Variants in AOPEP observed in about 807,000 individuals in gnomAD.
The protein encoded by AOPEP is aminopeptidase O (putative).
Under a neutral mutation model 98.1 loss-of-function variants are expected in AOPEP, and 77 were observed. That is an observed-to-expected ratio of 0.78 (90% CI 0.65 to 0.95). AOPEP has a LOEUF of 0.95. Ranked by LOEUF, AOPEP falls within the 40% of genes least tolerant of loss-of-function variation. The pLI, the probability that AOPEP is intolerant of heterozygous loss-of-function variation, is 0.00. For missense variants in AOPEP, 1,024 were observed against 1,024.7 expected (o/e 1.00, Z 0.01); for synonymous variants, 346 against 365.3 (o/e 0.95, Z 0.60).
At chr9:94,793,098 G>T (rs960418622) in intron 4 of AOPEP, among the ~76,000 whole-genome samples, 180 bp downstream of exon 4, 1 of 152,214 alleles carries the variant, frequency 6.6e-6, no homozygotes, top group Admixed American at 6.5e-5. Context: ...AGGCGCAGTG[G>T]CTCACGCCTG....
At chr9:95,131,978 ATAAAG>A in the AOPEP span, among the ~76,000 whole-genome samples, 41 of 152,366 alleles carry the variant, frequency 2.7e-4, no homozygotes, top group South Asian at 7.9e-3. Context: ...TTCTTATTAG[ATAAAG>A]TAATCTTTTG....
intron 13 of AOPEP, among the ~76,000 whole-genome samples, chr9:95,056,842 C>T (rs563402160): frequency 6.6e-6 from 1 of 152,140 alleles, no homozygotes; most frequent in Non-Finnish European, 1.5e-5. Flanking sequence ...CTTGACTGAC[C>T]TCGTTTAGCA....
chr9:94,933,031 G>C, intron 7 of AOPEP: 1 of 985,410 alleles, frequency 1.0e-6, no homozygotes, highest in African/African-American at 1.7e-5. Flanking sequence ...CCACAGATAA[G>C]ACCCCAAGGA....
At chr9:95,023,915 A>G (rs568298402) in intron 13 of AOPEP, among the ~76,000 whole-genome samples, 8 of 152,212 alleles carry the variant, frequency 5.3e-5, no homozygotes, top group East Asian at 3.8e-4. Context: ...TCAAGGATCA[A>G]TATTTTTGAA....
chr9:94,811,535 C>T (rs1487358062), intron 5 of AOPEP, among the ~76,000 whole-genome samples: 1 of 152,202 alleles, frequency 6.6e-6, no homozygotes, highest in East Asian at 1.9e-4. Context: ...ACCACAGCTG[C>T]CCCCCACCAC....
At chr9:95,091,057 G>T (rs1465578678), downstream of AOPEP, among the ~76,000 whole-genome samples, 1 of 152,168 alleles carries the variant, frequency 6.6e-6, no homozygotes, top group Non-Finnish European at 1.5e-5. Flanking sequence ...GGAGGCCGAG[G>T]GGAGGGACCT....
At chr9:94,826,101 T>C (rs1588418983) in intron 5 of AOPEP, among the ~76,000 whole-genome samples, 2 of 152,136 alleles carry the variant, frequency 1.3e-5, no homozygotes, top group Non-Finnish European at 2.9e-5. Flanking sequence ...TCAAAGCTAT[T>C]TTAAAAGGGT....
At chr9:95,070,276 G>A (rs897843517) in intron 14 of AOPEP, among the ~76,000 whole-genome samples, 3 of 152,218 alleles carry the variant, frequency 2.0e-5, no homozygotes, top group Non-Finnish European at 1.5e-5. Context: ...AATTGACAAA[G>A]CAGGTTTGTT....
At chr9:94,763,106 C>G (rs1353947300) in intron 2 of AOPEP, 1 of 460,784 alleles carries the variant, frequency 2.2e-6, no homozygotes, top group African/African-American at 2.0e-5. Flanking sequence ...GGATGAGAAG[C>G]TCTTTATTCT....
intron 5 of AOPEP, among the ~76,000 whole-genome samples, chr9:94,818,587 A>G (rs1205811654): frequency 6.6e-6 from 1 of 152,176 alleles, no homozygotes; most frequent in Non-Finnish European, 1.5e-5. Flanking sequence ...TTTAATATAC[A>G]TACTCACTTT....
chr9:94,784,377 A>G (rs1162828278), intron 3 of AOPEP, among the ~76,000 whole-genome samples: 2 of 152,178 alleles, frequency 1.3e-5, no homozygotes, highest in African/African-American at 4.8e-5. Flanking sequence ...AAAAATGATT[A>G]TCTCAGCTAA....
chr9:95,027,070 G>C lies in AOPEP; in HGVS notation c.2115+21454G>C, dbSNP rs552674872. Among the ~76,000 whole-genome samples, 13 of 152,196 alleles carry C rather than the reference G, an allele frequency of 8.5e-5. No individual in the cohort carries two copies. The South Asian group carries it at 1.7e-3, about 19-fold the overall frequency. On this transcript the variant is annotated intron_variant, in intron 13 of 16. Coordinates refer to ENST00000375315, the MANE Select transcript of AOPEP (RefSeq NM_001193329.3). Reference sequence around the variant, plus strand: ...GAACCTAGGAGTTCGAGACCAGCCTGGGCAACATGGCGAAACCCCATCTCT... The same window carrying C: ...GAACCTAGGAGTTCGAGACCAGCCTCGGCAACATGGCGAAACCCCATCTCT...
At chr9:95,111,420 C>CACATG in the AOPEP span, 1 of 1,601,742 alleles carries the variant, frequency 6.2e-7, no homozygotes, top group Non-Finnish European at 8.5e-7. Flanking sequence ...TCTCAGCCCC[C>CACATG]CAGAGCCCAC....
At chr9:94,889,267 T>C (rs971265014) in intron 5 of AOPEP, among the ~76,000 whole-genome samples, 1 of 152,192 alleles carries the variant, frequency 6.6e-6, no homozygotes, top group South Asian at 2.1e-4. Flanking sequence ...GTGCTATATC[T>C]TTTTAAAATT....
intron 13 of AOPEP, among the ~76,000 whole-genome samples, chr9:95,033,513 T>C (rs1420015497): frequency 6.6e-6 from 1 of 152,216 alleles, no homozygotes; most frequent in African/African-American, 2.4e-5. Context: ...TCTTCATGTT[T>C]AGAAAGGTTC....
intron 13 of AOPEP, among the ~76,000 whole-genome samples, chr9:95,057,572 T>C (rs1328017452): frequency 6.6e-6 from 1 of 152,274 alleles, no homozygotes; most frequent in Non-Finnish European, 1.5e-5. Flanking sequence ...GGAAGCTGTT[T>C]AACCACATTT....
intron 11 of AOPEP, among the ~76,000 whole-genome samples, chr9:94,985,970 T>C (rs749402789): frequency 6.6e-6 from 1 of 152,216 alleles, no homozygotes; most frequent in Non-Finnish European, 1.5e-5. Flanking sequence ...TTTATTAAAA[T>C]CTTTTCATTT....
chr9:94,733,125 G>A (rs1203674695), intron 1 of AOPEP, among the ~76,000 whole-genome samples: 2 of 35,964 alleles, frequency 5.6e-5, no homozygotes. Flanking sequence ...TTTTTTTTTT[G>A]AGACAGTGTC....
At chr9:94,936,693 C>T (rs74322206) in intron 7 of AOPEP, among the ~76,000 whole-genome samples, 6,145 of 152,258 alleles carry the variant, frequency 0.04, 423 homozygotes, top group African/African-American at 0.14. Flanking sequence ...TCAGATCCCA[C>T]AGGGTGAGGG....
Sources: allele counts gnomAD v4.1 joint callset (sites outside exome capture counted in the v4.1 genomes callset), GRCh38; gene constraint gnomAD v4.1.1; transcripts MANE v1.5; gene names NCBI Gene and HGNC (gene_info 2026-07-23, HGNC 2026-07-21).